The following UBXN7 variants were observed in gnomAD, a reference collection of about 807,000 sequenced individuals.
UBXN7 encodes UBX domain protein 7, also known as UBX domain-containing protein 7.
In UBXN7, 9 loss-of-function variants were observed where a neutral mutation model predicts 58.0. That is an observed-to-expected ratio of 0.16 (90% CI 0.09 to 0.27). The LOEUF is 0.27. Among genes scored for constraint, UBXN7 ranks in the 10% least tolerant of loss-of-function variants. The pLI is 1.00. For missense variants in UBXN7, 328 were observed against 599.6 expected, an observed-to-expected ratio of 0.55 and a Z score of 4.73; for synonymous variants, 208 against 205.0, an observed-to-expected ratio of 1.01 and a Z score of -0.12.
At chr3:196,411,480 G>C (rs1341676286) in intron 1 of UBXN7, among the ~76,000 whole-genome samples, 2 of 152,194 alleles carry the variant, frequency 1.3e-5, no homozygotes, top group African/African-American at 4.8e-5. Context: ...ATGGATTTAA[G>C]ATAAATTTAA....
chr3:196,371,837 A>C (rs1390590958), intron 6 of UBXN7, 59 bp downstream of exon 6: 1 of 1,569,840 alleles, frequency 6.4e-7, no homozygotes, highest in African/African-American at 1.4e-5. Context: ...CCTTTCCCTC[A>C]ACAACCCACA....
chr3:196,401,310 CACACACACACAT>C (rs1729971555), intron 3 of UBXN7, among the ~76,000 whole-genome samples: 4 of 109,694 alleles, frequency 3.6e-5, no homozygotes, highest in Non-Finnish European at 5.3e-5. Context: ...CACACACACA[CACACACACACAT>C]ATATATATAT....
intron 8 of UBXN7, among the ~76,000 whole-genome samples, 180 bp from the exon 9 acceptor site, chr3:196,362,867 G>T (rs1203894840): frequency 6.6e-6 from 1 of 151,980 alleles, no homozygotes; most frequent in Admixed American, 6.6e-5. Flanking sequence ...ATATATATAT[G>T]TGTGTGTATA....
At chr3:196,429,662 G>A (rs1040971303) in intron 1 of UBXN7, among the ~76,000 whole-genome samples, 14 of 152,100 alleles carry the variant, frequency 9.2e-5, no homozygotes, top group African/African-American at 2.7e-4. Context: ...CGATTAAAAC[G>A]TATGTGGAGA....
rs527825022 is a variant in UBXN7, at chr3:196,353,518, C to T, written c.*3167G>A. ...TTTTTTTAAATTTGAGATGGAGTGT[C>T]GCTTTGTCGCCCAGGCTGGAGTGTA... On this transcript the variant is annotated 3_prime_UTR_variant, in exon 11 of 11. Coordinates refer to ENST00000296328, the MANE Select transcript of UBXN7 (RefSeq NM_015562.2). 1.6e-3 allele frequency: 228 copies of T among 146,998 alleles called. 1 individual carries two copies. Among genetic ancestry groups the T allele is most frequent in the African/African-American group, 5.1e-3 (202 of 39,696 alleles). The allele number at this position is 146,998 out of a possible 1,614,324, so 9.1% of individuals were successfully genotyped here.
At chr3:196,406,401 T>C (rs1306078694) in intron 2 of UBXN7, among the ~76,000 whole-genome samples, 1 of 151,890 alleles carries the variant, frequency 6.6e-6, no homozygotes, top group African/African-American at 2.4e-5. Context: ...GGGAGCGAAA[T>C]ACATGGCCAA....
In UBXN7 at chr3:196,351,764, C is replaced by A. The variant is rs1447252323; in HGVS notation, c.*4921G>T. 6.6e-6 allele frequency: 1 copy of A among 152,152 alleles called. No homozygotes were observed. The highest frequency in any genetic ancestry group is 1.5e-5 in the Non-Finnish European group (1 of 68,034). 9.4% of individuals were successfully genotyped at this position (152,152 alleles called of 1,614,324 possible). A position where few individuals can be genotyped will look rare whatever the true frequency, so the allele number is the denominator to read the frequency against. ...CCAAAGGGCTCTCACACCTCCAGTG[C>A]CCTTTCTGCATATAACATATACTAT... is the stretch of plus-strand genomic sequence containing the variant. On this transcript the variant is annotated 3_prime_UTR_variant, in exon 11 of 11. Transcript: ENST00000296328.
chr3:196,428,823 CAAA>C (rs541675983), intron 1 of UBXN7, among the ~76,000 whole-genome samples: 2 of 98,684 alleles, frequency 2.0e-5, no homozygotes, highest in Non-Finnish European at 2.1e-5. Context: ...CAGTCCGTCT[CAAA>C]AAAAAAAAAA....
chr3:196,381,391 G>A (rs572942539), intron 5 of UBXN7, among the ~76,000 whole-genome samples: 3 of 152,210 alleles, frequency 2.0e-5, no homozygotes, highest in Non-Finnish European at 4.4e-5. Flanking sequence ...CTACAGCTGA[G>A]GGACCTGACT....
chr3:196,393,648 T>G lies in UBXN7; in HGVS notation c.290-29A>C, dbSNP rs183847508. On this transcript the variant is annotated intron_variant, in intron 3 of 10. Coordinates refer to ENST00000296328, the MANE Select transcript of UBXN7 (RefSeq NM_015562.2). ...TGGGGAGAAAAAATAGAATTGAAAA[T>G]TTTTTAAATTAATTTTGAAACAATT... 1.0e-5 allele frequency: 16 copies of G among 1,584,000 alleles called. No individual in the cohort carries two copies. In the Admixed American group the frequency reaches 3.0e-4, roughly 30 times the overall value.
intron 1 of UBXN7, among the ~76,000 whole-genome samples, chr3:196,429,478 A>G (rs1221015529): frequency 6.6e-6 from 1 of 152,008 alleles, no homozygotes; most frequent in Non-Finnish European, 1.5e-5. Flanking sequence ...ATTTATTTTT[A>G]TTTTTTCTTT....
At chr3:196,374,045 CAA>C (rs1728919148) in intron 5 of UBXN7, among the ~76,000 whole-genome samples, 1 of 152,008 alleles carries the variant, frequency 6.6e-6, no homozygotes, top group Non-Finnish European at 1.5e-5. Flanking sequence ...CCTTATAGGA[CAA>C]AGATTTAAAA....
intron 8 of UBXN7, among the ~76,000 whole-genome samples, chr3:196,365,467 C>T (rs1728638578): frequency 6.6e-6 from 1 of 152,050 alleles, no homozygotes; most frequent in Admixed American, 6.6e-5. Flanking sequence ...AGTGACTACT[C>T]ACAGGTATGA....
rs1577422654 is a variant in UBXN7 at position 196,347,769 on chromosome 3, T to C, written c.*8916A>G. 6.6e-6 allele frequency: 1 copy of C among 152,210 alleles called. No homozygotes were observed. The highest frequency in any genetic ancestry group is 1.9e-4 in the East Asian group (1 of 5,202). 9.4% of individuals were successfully genotyped at this position (152,210 alleles called of 1,614,324 possible). On this transcript the variant is annotated 3_prime_UTR_variant, in exon 11 of 11. Coordinates refer to ENST00000296328, the MANE Select transcript of UBXN7 (RefSeq NM_015562.2). The stretch of plus-strand genomic sequence containing the variant: ...TGAATGTATAGATCAGAGGTTTCCT[T>C]GAGTTTGGTCCCTCTCTCAGCACAG...
chr3:196,425,209 A>C (rs2096579648), intron 1 of UBXN7, among the ~76,000 whole-genome samples: 1 of 152,004 alleles, frequency 6.6e-6, no homozygotes, highest in African/African-American at 2.4e-5. Context: ...TAGGTGTCCA[A>C]AACAGAATCC....
At chr3:196,357,018 T>C (rs1728368939) in intron 10 of UBXN7, among the ~76,000 whole-genome samples, 172 bp from the exon 11 acceptor site, 1 of 152,216 alleles carries the variant, frequency 6.6e-6, no homozygotes, top group African/African-American at 2.4e-5. Context: ...TATAAACCTT[T>C]GGACGGGGAG....
At position 196,347,818 on chromosome 3, in the gene UBXN7, T is replaced by A. The variant is rs1728120682; in HGVS notation, c.*8867A>T. 1 of 152,136 alleles carries A rather than the reference T, an allele frequency of 6.6e-6. No homozygotes were observed. The highest frequency in any genetic ancestry group is 6.6e-5 in the Admixed American group (1 of 15,260). 9.4% of individuals were successfully genotyped at this position (152,136 alleles called of 1,614,324 possible). On this transcript the variant is annotated 3_prime_UTR_variant, in exon 11 of 11. Transcript: ENST00000296328. ...AGTGAGCTGATGTCTTCAAAAGACT[T>A]ATCGTCCCACTCCCTTCCCTCCCCC...
chr3:196,395,611 TTTTGTTTG>T (rs768251850), intron 3 of UBXN7, among the ~76,000 whole-genome samples: 7 of 151,664 alleles, frequency 4.6e-5, no homozygotes, highest in African/African-American at 9.7e-5. Context: ...TGTTCAGTTT[TTTTGTTTG>T]TTTGTTTGTT....
chr3:196,406,850 C>T (rs1045860182), intron 2 of UBXN7, among the ~76,000 whole-genome samples: 1 of 152,332 alleles, frequency 6.6e-6, no homozygotes, highest in African/African-American at 2.4e-5. Flanking sequence ...TACTTAATTG[C>T]TGTGTAGCTT....
Sources: gnomAD v4.1 joint callset for allele counts (sites outside exome capture counted in the v4.1 genomes callset) on GRCh38, gnomAD v4.1.1 for gene constraint, MANE v1.5 for transcripts, NCBI Gene and HGNC (gene_info 2026-07-23, HGNC 2026-07-21) for gene names.